The following TWIST2 variants were observed in gnomAD, a reference collection of about 807,000 sequenced individuals.
The protein encoded by TWIST2 is twist family bHLH transcription factor 2, also known as twist-related protein 2.
In TWIST2, 1 loss-of-function variant was observed where a neutral mutation model predicts 11.6. The observed-to-expected ratio is 0.09, with a 90% CI of 0.03 to 0.41. TWIST2 has a LOEUF of 0.41. TWIST2 is among the 10% of genes least tolerant of loss of function. The probability of loss-of-function intolerance (pLI) is 0.98; values close to 1 mark genes in which losing one functional copy is unlikely to be tolerated. For synonymous variants in TWIST2, 87 were observed against 96.6 expected, an observed-to-expected ratio of 0.90 and a Z score of 0.58; for missense variants, 168 against 226.4, an observed-to-expected ratio of 0.74 and a Z score of 1.66.
chr2:238,895,961 C>G (rs1693201975), intron 1 of TWIST2, among the ~76,000 whole-genome samples: 2 of 152,232 alleles, frequency 1.3e-5, no homozygotes, highest in Non-Finnish European at 2.9e-5. Context: ...CAAGCCCAAG[C>G]TGAGGGAGAG....
chr2:238,880,793 G>A (rs1166303293), intron 1 of TWIST2, among the ~76,000 whole-genome samples: 1 of 124,074 alleles, frequency 8.1e-6, no homozygotes, highest in Admixed American at 8.6e-5. Context: ...ATTAGTGTTA[G>A]TGTTAGTATT....
chr2:238,874,113 C>T (rs1260740550), intron 1 of TWIST2, among the ~76,000 whole-genome samples: 2 of 152,128 alleles, frequency 1.3e-5, no homozygotes, highest in Admixed American at 6.5e-5. Flanking sequence ...TGGCGATTGT[C>T]TGTCAATGAT....
intron 1 of TWIST2, among the ~76,000 whole-genome samples, chr2:238,858,693 A>AGCC (rs1692373686): frequency 6.6e-6 from 1 of 152,202 alleles, no homozygotes; most frequent in African/African-American, 2.4e-5. Context: ...AGTTTCTTAT[A>AGCC]GCCCTCTGGC....
intron 1 of TWIST2, among the ~76,000 whole-genome samples, chr2:238,857,280 G>A (rs1469676415): frequency 6.6e-6 from 1 of 152,164 alleles, no homozygotes; most frequent in African/African-American, 2.4e-5. Context: ...GGCTGGACGG[G>A]CCTTGGAGCC....
chr2:238,864,236 CTT>C lies in TWIST2; in HGVS notation c.*35+15504_*35+15505del, dbSNP rs2106354107. On this transcript the variant is annotated intron_variant, in intron 1 of 1. Transcript: ENST00000612363. This position sits in a 1 kb window ranked among gnomAD's most constrained non-coding sequence, Gnocchi z 4.7. ...CTCGGGCTGTGCCGTGGTATCCTCT[CTT>C]CTCCACATTACACCCCAAGCACGCG... is the stretch of plus-strand genomic sequence containing the variant. Among the ~76,000 whole-genome samples the C allele has an allele frequency of 6.6e-6, 1 of 152,326 alleles. No individual in the cohort carries two copies. The highest frequency in any genetic ancestry group is 2.1e-4 in the South Asian group (1 of 4,814).
chr2:238,881,124 TTATTAG>T (rs1314970727), intron 1 of TWIST2, among the ~76,000 whole-genome samples: 2 of 97,110 alleles, frequency 2.1e-5, no homozygotes, highest in African/African-American at 4.2e-5. Flanking sequence ...GTGTTAGTAT[TTATTAG>T]TATTAGTATT....
intron 1 of TWIST2, among the ~76,000 whole-genome samples, chr2:238,905,776 G>C (rs1242491793): frequency 6.6e-6 from 1 of 152,136 alleles, no homozygotes; most frequent in Non-Finnish European, 1.5e-5. Flanking sequence ...AGCAGCCTTT[G>C]ACTTTCTGCC....
intron 1 of TWIST2, among the ~76,000 whole-genome samples, chr2:238,855,336 G>T (rs1692311833): frequency 6.6e-6 from 1 of 152,208 alleles, no homozygotes; most frequent in African/African-American, 2.4e-5. Context: ...ACACGTCTCT[G>T]TTCACATCAT....
intron 1 of TWIST2, among the ~76,000 whole-genome samples, chr2:238,878,942 C>T (rs990923173): frequency 3.3e-5 from 5 of 152,150 alleles, no homozygotes; most frequent in African/African-American, 1.2e-4. Context: ...ATTAAACATA[C>T]CAATGAGGGC....
Position 238,848,619 on chromosome 2 carries a change from A to G in TWIST2, c.404A>G (p.Tyr135Cys). 1 of 1,546,730 alleles carries G rather than the reference A, an allele frequency of 6.5e-7. No individual in the cohort carries two copies. Among genetic ancestry groups the G allele is most frequent in the Non-Finnish European group, 8.7e-7 (1 of 1,152,146 alleles). The change falls in exon 1 of 2, where the codon TAC (tyrosine) becomes TGC (cysteine). Residue 135 changes from tyrosine to cysteine, a missense_variant. This residue lies in a region of TWIST2 where 62 missense variants were observed against 75.3 expected (regional missense o/e 0.82). Coordinates refer to ENST00000612363, the MANE Select transcript of TWIST2 (RefSeq NM_001271893.4). Reference sequence around the variant, plus strand: ...GACAATAAGATGACCAGCTGCAGCTACGTGGCCCACGAGCGCCTCAGCTAC... The same window carrying G: ...GACAATAAGATGACCAGCTGCAGCTGCGTGGCCCACGAGCGCCTCAGCTAC... ...EMDNKMTSCS[Y>C]VAHERLSYAF...
At chr2:238,891,297 G>GAGAGAGGAC (rs1253515124) in intron 1 of TWIST2, among the ~76,000 whole-genome samples, 1 of 152,218 alleles carries the variant, frequency 6.6e-6, no homozygotes, top group Non-Finnish European at 1.5e-5. Flanking sequence ...GTGGACAGCA[G>GAGAGAGGAC]AGCTGTGCTT....
intron 1 of TWIST2, among the ~76,000 whole-genome samples, chr2:238,881,287 T>G (rs1426763045): frequency 2.1e-5 from 3 of 145,910 alleles, no homozygotes; most frequent in Non-Finnish European, 3.0e-5. Context: ...GCATTAGTAT[T>G]AATGTTAGTA....
At chr2:238,855,698 T>C (rs2106349753) in intron 1 of TWIST2, among the ~76,000 whole-genome samples, 1 of 152,286 alleles carries the variant, frequency 6.6e-6, no homozygotes, top group South Asian at 2.1e-4. Flanking sequence ...TTTCACTTTA[T>C]AAAAAAGTAA....
rs1171787378 is a variant in TWIST2, at chr2:238,871,449, C to G, written c.*35+22716C>G. On this transcript the variant is annotated intron_variant, in intron 1 of 1. Transcript: ENST00000612363. ...CCACACGCCACACACACACCTTACC[C>G]CACACACACCACACACACACCACAT... Among the ~76,000 whole-genome samples the G allele has an allele frequency of 7.8e-5, 5 of 64,024 alleles. 1 individual carries two copies. Among genetic ancestry groups the G allele is most frequent in the African/African-American group, 3.0e-4 (5 of 16,562 alleles). 42.0% of individuals were successfully genotyped at this position (64,024 alleles called of 152,430 possible).
At position 238,905,991 on chromosome 2, in the gene TWIST2, G is replaced by C. The variant is rs904390165; in HGVS notation, c.*36-3851G>C. Among the ~76,000 whole-genome samples the C allele has an allele frequency of 6.2e-5, 9 of 145,340 alleles. No homozygotes were observed. In the East Asian group the frequency reaches 1.6e-3, roughly 25 times the overall value. On this transcript the variant is annotated intron_variant, in intron 1 of 1. Transcript: ENST00000612363. Reference sequence around the variant, plus strand: ...TGTGTGTGCGCGCGCGTGTACGTGCGCGTGTGTGCGTGTGCGTGTGTGGTT... The same window carrying C: ...TGTGTGTGCGCGCGCGTGTACGTGCCCGTGTGTGCGTGTGCGTGTGTGGTT...
intron 1 of TWIST2, among the ~76,000 whole-genome samples, chr2:238,850,727 C>A (rs1043247299): frequency 3.9e-5 from 6 of 152,004 alleles, no homozygotes; most frequent in Admixed American, 3.3e-4. Context: ...TGGAAAAAAG[C>A]CCTTGAAAAT....
Position 238,852,668 on chromosome 2 carries a change from C to T in TWIST2, c.*35+3935C>T, listed in dbSNP as rs1035521979. On this transcript the variant is annotated intron_variant, in intron 1 of 1. Transcript: ENST00000612363. ...ATAGCACTAAACACACACACACACA[C>T]GCACATGCACGTGCACACACATGTA... Among the ~76,000 whole-genome samples the T allele has an allele frequency of 4.5e-3, 630 of 141,510 alleles. 2 individuals carry two copies. The highest frequency in any genetic ancestry group is 0.014 in the African/African-American group (582 of 40,280). 92.8% of individuals were successfully genotyped at this position (141,510 alleles called of 152,430 possible). A position where few individuals can be genotyped will look rare whatever the true frequency, so the allele number is the denominator to read the frequency against.
At chr2:238,870,595 C>CAA (rs1692662465) in intron 1 of TWIST2, among the ~76,000 whole-genome samples, 1 of 58,964 alleles carries the variant, frequency 1.7e-5, no homozygotes. Context: ...ACACCACACA[C>CAA]CCCACACACA....
rs1228498061 is a variant in TWIST2 at position 238,905,954 on chromosome 2, TGTACGTGTGCGTGTGTGTGCGCGCGC to T, written c.*36-3885_*36-3860del. Among the ~76,000 whole-genome samples the T allele has an allele frequency of 3.4e-3, 392 of 113,968 alleles. 1 individual carries two copies. Among genetic ancestry groups the T allele is most frequent in the African/African-American group, 0.011 (319 of 28,296 alleles). The allele number at this position is 113,968 out of a possible 152,430, so 74.8% of individuals were successfully genotyped here. A position where few individuals can be genotyped will look rare whatever the true frequency, so the allele number is the denominator to read the frequency against. ...GTGCGCGTGTGTGTGCGCGCGCGTG[TGTACGTGTGCGTGTGTGTGCGCGCGC>T]GTGTACGTGCGCGTGTGTGCGTGTG... On this transcript the variant is annotated intron_variant, in intron 1 of 1. Transcript: ENST00000612363.
Sources: allele counts gnomAD v4.1 joint callset (sites outside exome capture counted in the v4.1 genomes callset), GRCh38; gene constraint gnomAD v4.1.1; regional missense constraint gnomAD v4.1.1; non-coding constraint Gnocchi (gnomAD v3.1); transcripts MANE v1.5; gene names NCBI Gene and HGNC (gene_info 2026-07-23, HGNC 2026-07-21).